Variants in NSMCE2 observed in about 807,000 individuals in gnomAD.
NSMCE2 encodes NSE2 SUMO ligase component of SMC5/6 complex, also known as E3 SUMO-protein ligase NSE2.
NSMCE2 carries 24 observed loss-of-function variants against 23.8 expected under a neutral mutation model. That is an observed-to-expected ratio of 1.01 (90% CI 0.73 to 1.42). The LOEUF (loss-of-function observed/expected upper bound fraction) is 1.42, where lower values mean the gene tolerates loss of function less well. NSMCE2 is among the 40% of genes most tolerant of loss of function. The pLI, the probability that NSMCE2 is intolerant of heterozygous loss-of-function variation, is 0.00. For synonymous variants in NSMCE2, 92 were observed against 94.1 expected (o/e 0.98, Z 0.13); for missense variants, 284 against 296.5 (o/e 0.96, Z 0.31).
intron 5 of NSMCE2, among the ~76,000 whole-genome samples, chr8:125,224,269 C>A (rs1040187489): frequency 1.3e-5 from 2 of 152,158 alleles, no homozygotes; most frequent in Non-Finnish European, 2.9e-5. Context: ...ATTGTCTTTT[C>A]ATTCTGTTGT....
chr8:125,130,074 G>C (rs1586479162), intron 3 of NSMCE2: 1 of 326,036 alleles, frequency 3.1e-6, no homozygotes, highest in East Asian at 7.6e-5. Context: ...CATCATCTTC[G>C]TAGACGCTTC....
intron 3 of NSMCE2, among the ~76,000 whole-genome samples, chr8:125,104,372 A>G (rs1359879212): frequency 6.6e-6 from 1 of 152,126 alleles, no homozygotes; most frequent in Non-Finnish European, 1.5e-5. Context: ...TTCTAGGCTT[A>G]TCGTTAAGCT....
At chr8:125,187,124 A>G (rs1247202281) in intron 5 of NSMCE2, among the ~76,000 whole-genome samples, 1 of 152,150 alleles carries the variant, frequency 6.6e-6, no homozygotes, top group Non-Finnish European at 1.5e-5. Context: ...AGTACAGCAT[A>G]ATGGAAAGAA....
intron 4 of NSMCE2, among the ~76,000 whole-genome samples, chr8:125,169,277 C>T (rs1488366387): frequency 6.6e-6 from 1 of 152,194 alleles, no homozygotes; most frequent in Non-Finnish European, 1.5e-5. Flanking sequence ...TGAGAAATAG[C>T]ATCTATGCTC....
At chr8:125,150,992 TGAG>T (rs528666147) in intron 3 of NSMCE2, among the ~76,000 whole-genome samples, 176 bp from the exon 4 acceptor site, 148 of 152,194 alleles carry the variant, frequency 9.7e-4, no homozygotes, top group African/African-American at 3.5e-3. Context: ...CATCATATGG[TGAG>T]GAGGTTTTTT....
At chr8:125,192,743 A>G (rs1823413068) in intron 5 of NSMCE2, among the ~76,000 whole-genome samples, 1 of 152,234 alleles carries the variant, frequency 6.6e-6, no homozygotes, top group African/African-American at 2.4e-5. Context: ...TAACTTAGAC[A>G]TTAATGAATG....
chr8:125,242,713 T>C (rs1348481198), intron 5 of NSMCE2, among the ~76,000 whole-genome samples: 1 of 152,144 alleles, frequency 6.6e-6, no homozygotes, highest in Admixed American at 6.5e-5. Flanking sequence ...GGGGGACATA[T>C]TTTGAAATGT....
chr8:125,111,973 C>T lies in NSMCE2; in HGVS notation c.157+9486C>T, dbSNP rs186752429. On this transcript the variant is annotated intron_variant, in intron 3 of 7. Transcript: ENST00000287437. Reference sequence around the variant, plus strand: ...TTTGTTATTAGGAGTCTAGTTGAGTCGGGGAGATTTCTTTTTGACCTTGTT... The same window carrying T: ...TTTGTTATTAGGAGTCTAGTTGAGTTGGGGAGATTTCTTTTTGACCTTGTT... 1.2e-3 allele frequency among the ~76,000 whole-genome samples: 178 copies of T among 152,140 alleles called. 1 individual carries two copies. Among genetic ancestry groups the T allele is most frequent in the African/African-American group, 4.0e-3 (166 of 41,494 alleles).
chr8:125,335,598 G>A (rs145807634), intron 5 of NSMCE2, among the ~76,000 whole-genome samples: 183 of 152,326 alleles, frequency 1.2e-3, no homozygotes, highest in African/African-American at 4.3e-3. Flanking sequence ...CAAAATGGGG[G>A]TGATACTCCA....
chr8:125,166,111 A>C (rs1416274549), intron 4 of NSMCE2, among the ~76,000 whole-genome samples: 5 of 152,210 alleles, frequency 3.3e-5, no homozygotes, highest in Non-Finnish European at 1.5e-5. Flanking sequence ...TATAGTGTAA[A>C]GACAAGGGAT....
At chr8:125,103,518 G>A (rs1199208620) in intron 3 of NSMCE2, among the ~76,000 whole-genome samples, 5 of 151,896 alleles carry the variant, frequency 3.3e-5, no homozygotes, top group Non-Finnish European at 5.9e-5. Context: ...ATAGTTTTTT[G>A]AATCAAATTT....
intron 4 of NSMCE2, 98 bp downstream of exon 4, chr8:125,151,375 T>C: frequency 1.6e-6 from 1 of 610,532 alleles, no homozygotes; most frequent in South Asian, 2.4e-5. Context: ...CTTTAATGTT[T>C]CCTTATCCTT....
At chr8:125,141,231 C>T (rs1276099082) in intron 3 of NSMCE2, among the ~76,000 whole-genome samples, 3 of 152,204 alleles carry the variant, frequency 2.0e-5, no homozygotes, top group Admixed American at 2.0e-4. Flanking sequence ...CTCCATCACT[C>T]TGAGGTAGAG....
intron 5 of NSMCE2, among the ~76,000 whole-genome samples, chr8:125,201,957 C>T (rs114078726): frequency 6.6e-6 from 1 of 152,286 alleles, no homozygotes; most frequent in African/African-American, 2.4e-5. Context: ...GCTTCAGCCT[C>T]GCAGGTTCTC....
intron 3 of NSMCE2, among the ~76,000 whole-genome samples, chr8:125,130,933 T>C (rs183763486): frequency 5.9e-5 from 9 of 152,356 alleles, no homozygotes; most frequent in African/African-American, 1.7e-4. Context: ...ATTATTAGCC[T>C]GTGCTTCTGT....
At chr8:125,340,012 GTTTTTTTT>G (rs752038710) in intron 5 of NSMCE2, among the ~76,000 whole-genome samples, 1 of 102,828 alleles carries the variant, frequency 9.7e-6, no homozygotes, top group Admixed American at 1.2e-4. Context: ...GTTTTTTTTT[GTTTTTTTT>G]TTTTTTTTTT....
At chr8:125,362,505 T>C (rs1342843616) in intron 7 of NSMCE2, among the ~76,000 whole-genome samples, 1 of 152,214 alleles carries the variant, frequency 6.6e-6, no homozygotes, top group Non-Finnish European at 1.5e-5. Context: ...GGGCAGGGAC[T>C]GGTGCACGGC....
At chr8:125,216,684 A>T (rs1041124300) in intron 5 of NSMCE2, among the ~76,000 whole-genome samples, 7 of 151,110 alleles carry the variant, frequency 4.6e-5, no homozygotes, top group African/African-American at 1.7e-4. Flanking sequence ...GCACAATGTC[A>T]TGTGTCCACT....
chr8:125,266,043 A>G (rs1165527321), intron 5 of NSMCE2, among the ~76,000 whole-genome samples: 1 of 151,874 alleles, frequency 6.6e-6, no homozygotes, highest in Non-Finnish European at 1.5e-5. Context: ...TAAAGAACAC[A>G]TGAATATAGC....
Sources: gnomAD v4.1 joint callset for allele counts (sites outside exome capture counted in the v4.1 genomes callset) on GRCh38, gnomAD v4.1.1 for gene constraint, MANE v1.5 for transcripts, NCBI Gene and HGNC (gene_info 2026-07-23, HGNC 2026-07-21) for gene names.